The following MORC1 variants were observed in gnomAD, a reference collection of about 807,000 sequenced individuals.
The protein encoded by MORC1 is MORC family CW-type zinc finger protein 1.
In MORC1, 59 loss-of-function variants were observed where a neutral mutation model predicts 134.9. That is an observed-to-expected ratio of 0.44 (90% confidence interval 0.35 to 0.54). The LOEUF (loss-of-function observed/expected upper bound fraction) is 0.54, where lower values mean the gene tolerates loss of function less well. Ranked by LOEUF, MORC1 falls within the 20% of genes least tolerant of loss-of-function variation. The pLI, the probability that MORC1 is intolerant of heterozygous loss-of-function variation, is 0.00. For missense variants in MORC1, 947 were observed against 1,134.5 expected (o/e 0.83, Z 2.37); for synonymous variants, 395 against 391.7 (o/e 1.01, Z -0.10).
At chr3:108,976,645 T>C (rs1435069425) in intron 24 of MORC1, among the ~76,000 whole-genome samples, 1 of 152,212 alleles carries the variant, frequency 6.6e-6, no homozygotes, top group East Asian at 1.9e-4. Context: ...AAATCCTGTG[T>C]TCTGTCCAAA....
chr3:109,063,296 T>G, intron 9 of MORC1, 65 bp from the exon 10 acceptor site: 1 of 1,073,332 alleles, frequency 9.3e-7, no homozygotes, highest in Non-Finnish European at 1.4e-6. Flanking sequence ...AAGACAATAT[T>G]CTTTAGTAAG....
chr3:109,074,467 A>C (rs1368244254), intron 8 of MORC1, among the ~76,000 whole-genome samples: 1 of 152,220 alleles, frequency 6.6e-6, no homozygotes, highest in African/African-American at 2.4e-5. Context: ...GAATCAAGAA[A>C]GATGATATAA....
intron 16 of MORC1, among the ~76,000 whole-genome samples, chr3:109,031,496 A>G (rs57156374): frequency 0.011 from 1,744 of 152,312 alleles, 35 homozygotes; most frequent in African/African-American, 0.038. Flanking sequence ...GTAAGTTCAT[A>G]TGATTAACTA....
Position 109,063,140 on chromosome 3 carries a change from G to A in MORC1, c.895+12C>T. 2 of 1,566,386 alleles carry A rather than the reference G, an allele frequency of 1.3e-6. No homozygotes were observed. The highest frequency in any genetic ancestry group is 1.8e-6 in the Non-Finnish European group (2 of 1,139,772). On this transcript the variant is annotated intron_variant, in intron 10 of 27. Transcript: ENST00000232603. ...TGAACAACAATGATGTAGGCTACAG[G>A]TAATCGCATACCAATCTTTACTGCT...
intron 25 of MORC1, 79 bp downstream of exon 25, chr3:108,971,251 G>T: frequency 7.6e-7 from 1 of 1,318,396 alleles, no homozygotes; most frequent in South Asian, 1.2e-5. Flanking sequence ...TCCTCTTATT[G>T]GAAACACTTT....
At chr3:108,968,995 G>C (rs1947296379) in intron 26 of MORC1, among the ~76,000 whole-genome samples, 1 of 151,482 alleles carries the variant, frequency 6.6e-6, no homozygotes, top group African/African-American at 2.4e-5. Flanking sequence ...AGGGATTTGA[G>C]GACATATGAT....
intron 17 of MORC1, among the ~76,000 whole-genome samples, chr3:109,011,710 G>A (rs1420837304): frequency 1.3e-5 from 2 of 151,974 alleles, no homozygotes; most frequent in Admixed American, 6.6e-5. Flanking sequence ...TAGCAGAGAC[G>A]GGGTTTCTCC....
intron 14 of MORC1, among the ~76,000 whole-genome samples, chr3:109,048,640 G>A (rs1457267074): frequency 6.6e-6 from 1 of 152,186 alleles, no homozygotes; most frequent in Non-Finnish European, 1.5e-5. Flanking sequence ...GAGGCTGGAA[G>A]CCCAAGATCA....
chr3:109,108,663 C>T (rs1951090097), intron 3 of MORC1, among the ~76,000 whole-genome samples: 1 of 152,008 alleles, frequency 6.6e-6, no homozygotes, highest in Non-Finnish European at 1.5e-5. Context: ...TTTGCGAGGC[C>T]GAGGCGGGCG....
At chr3:109,102,555 G>T (rs150090249) in intron 4 of MORC1, among the ~76,000 whole-genome samples, 1 of 152,048 alleles carries the variant, frequency 6.6e-6, no homozygotes, top group Non-Finnish European at 1.5e-5. Flanking sequence ...TTTGAACAAC[G>T]GATAGATTCT....
intron 17 of MORC1, among the ~76,000 whole-genome samples, chr3:109,008,046 A>C (rs1948589670): frequency 6.6e-6 from 1 of 152,038 alleles, no homozygotes; most frequent in Admixed American, 6.6e-5. Context: ...GAATTGTTGA[A>C]TCGTGCCTTT....
At chr3:108,968,274 A>G (rs1947273145) in intron 26 of MORC1, among the ~76,000 whole-genome samples, 1 of 152,246 alleles carries the variant, frequency 6.6e-6, no homozygotes, top group Admixed American at 6.5e-5. Flanking sequence ...TTTCAGTTGA[A>G]CAGTAATGGG....
chr3:109,040,353 T>TGAAAGAAAGAAAGAAAGAAAGAAAGAAA (rs35886667), intron 14 of MORC1, among the ~76,000 whole-genome samples: 2 of 28,200 alleles, frequency 7.1e-5, no homozygotes, highest in Non-Finnish European at 1.1e-4. Context: ...CTCAAAGAAC[T>TGAAAGAAAGAAAGAAAGAAAGAAAGAAA]GAAAGAAAGA....
At chr3:109,049,446 T>C (rs1220774047) in intron 14 of MORC1, among the ~76,000 whole-genome samples, 3 of 152,132 alleles carry the variant, frequency 2.0e-5, no homozygotes, top group Non-Finnish European at 2.9e-5. Flanking sequence ...TCCTGTCCTA[T>C]GCAACAGGGT....
chr3:109,020,733 C>A (rs1178234308), intron 17 of MORC1, among the ~76,000 whole-genome samples: 2 of 146,020 alleles, frequency 1.4e-5, no homozygotes, highest in Non-Finnish European at 3.0e-5. Flanking sequence ...TCACTGCACT[C>A]CAGCCTGGGC....
chr3:109,009,372 A>T (rs903190166), intron 17 of MORC1, among the ~76,000 whole-genome samples: 4 of 151,370 alleles, frequency 2.6e-5, no homozygotes, highest in African/African-American at 9.7e-5. Flanking sequence ...CGCCCAGCTA[A>T]TTTTTGTATT....
chr3:109,018,715 T>C (rs1268985976), intron 17 of MORC1, among the ~76,000 whole-genome samples: 1 of 152,222 alleles, frequency 6.6e-6, no homozygotes, highest in Non-Finnish European at 1.5e-5. Flanking sequence ...GTGTTATATA[T>C]AATACTTTGC....
At chr3:109,009,319 C>G (rs1290255140) in intron 17 of MORC1, among the ~76,000 whole-genome samples, 4 of 151,606 alleles carry the variant, frequency 2.6e-5, no homozygotes, top group African/African-American at 9.7e-5. Flanking sequence ...GATCCTCCTG[C>G]CTCAGCCTCC....
At chr3:109,111,040 G>A (rs1274493784) in intron 2 of MORC1, among the ~76,000 whole-genome samples, 2 of 94,822 alleles carry the variant, frequency 2.1e-5, no homozygotes, top group African/African-American at 6.9e-5. Context: ...CTAACAAAAT[G>A]GATATAATTT....
Sources: gnomAD v4.1 joint callset for allele counts (sites outside exome capture counted in the v4.1 genomes callset) on GRCh38, gnomAD v4.1.1 for gene constraint, MANE v1.5 for transcripts, NCBI Gene and HGNC (gene_info 2026-07-23, HGNC 2026-07-21) for gene names.